ADAMTSL1: variants seen among roughly 807,000 people sequenced by gnomAD.
The protein encoded by ADAMTSL1 is ADAMTS-like protein 1.
In ADAMTSL1, 126 loss-of-function variants were observed where a neutral mutation model predicts 201.8. The observed-to-expected ratio is 0.62, with a 90% confidence interval of 0.54 to 0.72. ADAMTSL1 has a LOEUF of 0.72. ADAMTSL1 is among the 30% of genes least tolerant of loss of function. The pLI, the probability that ADAMTSL1 is intolerant of heterozygous loss-of-function variation, is 0.00. For missense variants in ADAMTSL1, 2,679 were observed against 2,277.8 expected, an observed-to-expected ratio of 1.18 and a Z score of -3.59; for synonymous variants, 1,121 against 903.4, an observed-to-expected ratio of 1.24 and a Z score of -4.32.
At chr9:17,917,121 A>G (rs562298266) in intron 1 of ADAMTSL1, among the ~76,000 whole-genome samples, 22 of 152,286 alleles carry the variant, frequency 1.4e-4, no homozygotes, top group African/African-American at 5.1e-4. Flanking sequence ...CAACTTTATT[A>G]AACTCATTAG....
chr9:18,449,151 T>G (rs73418922), intron 2 of ADAMTSL1, among the ~76,000 whole-genome samples: 6,414 of 151,908 alleles, frequency 0.042, 417 homozygotes, highest in African/African-American at 0.15. Flanking sequence ...TTGGGGGGAT[T>G]TAGGGAGGAA....
chr9:18,378,144 C>G (rs534623352), intron 2 of ADAMTSL1, among the ~76,000 whole-genome samples: 9 of 152,302 alleles, frequency 5.9e-5, no homozygotes, highest in African/African-American at 2.2e-4. Context: ...CTTTTGTTAA[C>G]TCATATCTCA....
chr9:18,853,965 A>G (rs541388729), intron 23 of ADAMTSL1, among the ~76,000 whole-genome samples: 11 of 151,872 alleles, frequency 7.2e-5, no homozygotes, highest in African/African-American at 2.7e-4. Flanking sequence ...AAATACACGC[A>G]GGATTTGTCT....
chr9:18,260,497 C>T (rs114091058), intron 2 of ADAMTSL1, among the ~76,000 whole-genome samples: 1 of 152,234 alleles, frequency 6.6e-6, no homozygotes, highest in East Asian at 1.9e-4. Flanking sequence ...TGTTGGGCTA[C>T]CTGGGCCTAG....
chr9:18,010,490 C>T (rs1287245440), intron 1 of ADAMTSL1, among the ~76,000 whole-genome samples: 3 of 151,978 alleles, frequency 2.0e-5, no homozygotes, highest in Admixed American at 2.0e-4. Context: ...TTTTAAGGAC[C>T]TGTCAGAGTC....
chr9:17,923,899 T>C (rs973733884), intron 1 of ADAMTSL1, among the ~76,000 whole-genome samples: 2 of 104,392 alleles, frequency 1.9e-5, no homozygotes, highest in Non-Finnish European at 3.9e-5. Context: ...GTTTTTGTCA[T>C]TGGTTCTGTT....
At chr9:17,976,728 TCCCTGCC>T (rs974064363) in intron 1 of ADAMTSL1, among the ~76,000 whole-genome samples, 1 of 70,454 alleles carries the variant, frequency 1.4e-5, no homozygotes, top group African/African-American at 5.3e-5. Context: ...CTCCCCTCCC[TCCCTGCC>T]CCCTGCCTCC....
intron 2 of ADAMTSL1, among the ~76,000 whole-genome samples, chr9:18,261,796 A>C (rs571725700): frequency 6.6e-6 from 1 of 152,188 alleles, no homozygotes; most frequent in African/African-American, 2.4e-5. Context: ...CACGCATATC[A>C]TATGTGTTTT....
intron 1 of ADAMTSL1, among the ~76,000 whole-genome samples, chr9:18,075,005 T>A (rs181001963): frequency 6.6e-6 from 1 of 152,156 alleles, no homozygotes; most frequent in Non-Finnish European, 1.5e-5. Context: ...TATTCCTTAT[T>A]TATTTCCTTC....
intron 2 of ADAMTSL1, among the ~76,000 whole-genome samples, chr9:18,461,558 T>G (rs1820807212): frequency 6.6e-6 from 1 of 152,216 alleles, no homozygotes; most frequent in African/African-American, 2.4e-5. Context: ...TTAATTTTTC[T>G]TACCTTTTTA....
At chr9:18,474,431 T>A in intron 1 of ADAMTSL1, 136 bp downstream of exon 1, 1 of 893,866 alleles carries the variant, frequency 1.1e-6, no homozygotes, top group South Asian at 1.6e-5. Context: ...TTTACACGAT[T>A]ACAAAGAGAG....
chr9:18,086,267 A>G (rs1450140460), intron 1 of ADAMTSL1, among the ~76,000 whole-genome samples: 1 of 152,228 alleles, frequency 6.6e-6, no homozygotes, highest in Non-Finnish European at 1.5e-5. Context: ...TCCCAGAGAC[A>G]GGGACCACCA....
At chr9:18,283,027 A>G (rs1007644430) in intron 2 of ADAMTSL1, among the ~76,000 whole-genome samples, 1 of 152,192 alleles carries the variant, frequency 6.6e-6, no homozygotes, top group African/African-American at 2.4e-5. Context: ...ACCTTTTCTA[A>G]CAGTTGTTTA....
intron 23 of ADAMTSL1, among the ~76,000 whole-genome samples, chr9:18,872,774 T>G (rs1181567510): frequency 6.6e-6 from 1 of 152,224 alleles, no homozygotes; most frequent in Admixed American, 6.5e-5. Flanking sequence ...TATTTTGCAG[T>G]TGCAAATTCT....
chr9:18,000,921 A>T (rs1819586965), intron 1 of ADAMTSL1, among the ~76,000 whole-genome samples: 1 of 152,078 alleles, frequency 6.6e-6, no homozygotes, highest in South Asian at 2.1e-4. Flanking sequence ...CAGTTCCAGG[A>T]AGTGACTGTC....
At chr9:18,403,958 T>C (rs558643964) in intron 2 of ADAMTSL1, among the ~76,000 whole-genome samples, 79 of 152,116 alleles carry the variant, frequency 5.2e-4, no homozygotes, top group Non-Finnish European at 7.3e-4. Flanking sequence ...AAAATATACT[T>C]CCAAGAAATT....
chr9:18,142,204 G>T (rs535449636), intron 1 of ADAMTSL1, among the ~76,000 whole-genome samples: 1 of 152,238 alleles, frequency 6.6e-6, no homozygotes, highest in African/African-American at 2.4e-5. Flanking sequence ...AATGAGTCTG[G>T]AGAGAACAGC....
intron 1 of ADAMTSL1, among the ~76,000 whole-genome samples, chr9:17,955,804 C>T (rs1242685793): frequency 2.0e-5 from 3 of 151,990 alleles, no homozygotes; most frequent in African/African-American, 4.8e-5. Flanking sequence ...ATAGTATGTA[C>T]GTTTAGGAAA....
intron 1 of ADAMTSL1, among the ~76,000 whole-genome samples, chr9:18,027,591 C>T (rs185144590): frequency 2.6e-5 from 4 of 151,916 alleles, no homozygotes; most frequent in Admixed American, 2.6e-4. Flanking sequence ...CTTGGTATGA[C>T]TTAAATTTTA....
Sources: gnomAD v4.1 joint callset for allele counts (sites outside exome capture counted in the v4.1 genomes callset) on GRCh38, gnomAD v4.1.1 for gene constraint, MANE v1.5 for transcripts, NCBI Gene and HGNC (gene_info 2026-07-23, HGNC 2026-07-21) for gene names.